The following MYO9B variants were observed in gnomAD, a reference collection of about 807,000 sequenced individuals.
The protein encoded by MYO9B is unconventional myosin-IXb.
MYO9B carries 71 observed loss-of-function variants against 229.5 expected under a neutral mutation model. The observed-to-expected ratio is 0.31, with a 90% CI of 0.26 to 0.38. The LOEUF is 0.38. Among genes scored for constraint, MYO9B ranks in the 10% least tolerant of loss-of-function variants. The pLI, the probability that MYO9B is intolerant of heterozygous loss-of-function variation, is 1.00. For missense variants in MYO9B, 2,255 were observed against 2,920.5 expected (o/e 0.77, Z 5.25); for synonymous variants, 1,185 against 1,235.8 (o/e 0.96, Z 0.86).
intron 10 of MYO9B, among the ~76,000 whole-genome samples, chr19:17,164,604 A>G (rs1279326748): frequency 6.6e-6 from 1 of 151,428 alleles, no homozygotes; most frequent in Non-Finnish European, 1.5e-5. Context: ...CTGGTCTCAA[A>G]CTCCTGATCT....
At chr19:17,093,548 C>T (rs1358727025) in intron 1 of MYO9B, among the ~76,000 whole-genome samples, 1 of 152,152 alleles carries the variant, frequency 6.6e-6, no homozygotes, top group East Asian at 1.9e-4. Flanking sequence ...CCGACCATCT[C>T]CCTGCTGTGG....
chr19:17,147,219 C>A (rs1478160702), intron 3 of MYO9B, among the ~76,000 whole-genome samples: 1 of 152,198 alleles, frequency 6.6e-6, no homozygotes, highest in African/African-American at 2.4e-5. Flanking sequence ...AAGACCCCAC[C>A]TTTTTCACTT....
Position 17,198,180 on chromosome 19 carries a change from G to A in MYO9B, c.4114-4G>A, listed in dbSNP as rs758215951. 6.2e-7 allele frequency: 1 copy of A among 1,613,688 alleles called. No homozygotes were observed. Among genetic ancestry groups the A allele is most frequent in the Non-Finnish European group, 8.5e-7 (1 of 1,179,862 alleles). On this transcript the variant is annotated splice_polypyrimidine_tract_variant and splice_region_variant and intron_variant, in intron 23 of 39. Transcript: ENST00000682292. The stretch of plus-strand genomic sequence containing the variant: ...TAGCAGCCCCCCACTGCACCGTCTT[G>A]CAGCCTGCAGCAGAAACCACGGACG...
chr19:17,207,397 C>T (rs1450789249), intron 35 of MYO9B, 153 bp downstream of exon 35: 3 of 1,082,942 alleles, frequency 2.8e-6, no homozygotes, highest in African/African-American at 1.6e-5. Context: ...CTTTGGGAGG[C>T]CAAGGCAAGA....
In MYO9B at chr19:17,090,170, G is replaced by T. The variant is rs181987561; in HGVS notation, c.-58-11490G>T. On this transcript the variant is annotated intron_variant, in intron 1 of 39. Coordinates refer to ENST00000682292, the MANE Select transcript of MYO9B (RefSeq NM_004145.4). Reference sequence around the variant, plus strand: ...TTTTTTTTTTTTTTTTTGAGATAAGGTCTGGCCCTGTTGGCCAAGTTGGAG... The same window carrying T: ...TTTTTTTTTTTTTTTTTGAGATAAGTTCTGGCCCTGTTGGCCAAGTTGGAG... Among the ~76,000 whole-genome samples the T allele has an allele frequency of 3.1e-4, 30 of 95,964 alleles. No individual in the cohort carries two copies. In the South Asian group the frequency reaches 3.6e-3, roughly 12 times the overall value. 63.0% of individuals were successfully genotyped at this position (95,964 alleles called of 152,430 possible).
chr19:17,093,204 A>G (rs1241984673), intron 1 of MYO9B, among the ~76,000 whole-genome samples: 1 of 152,094 alleles, frequency 6.6e-6, no homozygotes, highest in Non-Finnish European at 1.5e-5. Flanking sequence ...GTGGTGGTGC[A>G]CGCCTGTAAT....
intron 1 of MYO9B, among the ~76,000 whole-genome samples, chr19:17,089,293 C>T (rs1430580682): frequency 6.6e-6 from 1 of 151,822 alleles, no homozygotes; most frequent in Non-Finnish European, 1.5e-5. Flanking sequence ...AAATCCTCAA[C>T]AGGATCAGGG....
At chr19:17,120,638 C>CAAA (rs59262657) in intron 2 of MYO9B, among the ~76,000 whole-genome samples, 7 of 87,008 alleles carry the variant, frequency 8.0e-5, no homozygotes, top group South Asian at 4.3e-4. Flanking sequence ...GACTCTGTCT[C>CAAA]AAAAAAAAAA....
chr19:17,077,316 C>T (rs2057494769), intron 1 of MYO9B, among the ~76,000 whole-genome samples: 1 of 152,140 alleles, frequency 6.6e-6, no homozygotes, highest in African/African-American at 2.4e-5. Context: ...GAGATGAACC[C>T]GGATAGCTGG....
intron 33 of MYO9B, 81 bp from the exon 34 acceptor site, chr19:17,206,598 C>A: frequency 1.5e-6 from 2 of 1,330,258 alleles, no homozygotes; most frequent in South Asian, 1.3e-5. Flanking sequence ...GGCACCTGTG[C>A]ATCTCAGGTC....
At chr19:17,151,457 T>C (rs1323281159) in intron 3 of MYO9B, among the ~76,000 whole-genome samples, 2 of 152,012 alleles carry the variant, frequency 1.3e-5, no homozygotes, top group African/African-American at 4.8e-5. Flanking sequence ...GCAAAGGACT[T>C]GCATCTAGAA....
In MYO9B at chr19:17,206,270, G is replaced by A; in HGVS notation, c.5280G>A (p.Glu1760=). 2 of 1,589,640 alleles carry A rather than the reference G, an allele frequency of 1.3e-6. No homozygotes were observed. Among genetic ancestry groups the A allele is most frequent in the Non-Finnish European group, 1.7e-6 (2 of 1,170,558 alleles). The change falls in exon 33 of 40, where the codon GAG becomes GAA. Residue 1760 remains glutamate (E), a synonymous_variant. Coordinates refer to ENST00000682292, the MANE Select transcript of MYO9B (RefSeq NM_004145.4). ...LQTDPAAVKL[E]NFPIHAITGV... Reference sequence around the variant, plus strand: ...CAGACCCCGCAGCAGTCAAGCTGGAGAACTTCCCCATCCACGCCATCACAG... The same window carrying A: ...CAGACCCCGCAGCAGTCAAGCTGGAAAACTTCCCCATCCACGCCATCACAG...
chr19:17,115,150 G>A (rs181625753), intron 2 of MYO9B, among the ~76,000 whole-genome samples: 1 of 152,136 alleles, frequency 6.6e-6, no homozygotes, highest in Non-Finnish European at 1.5e-5. Flanking sequence ...CACCACGCCA[G>A]CAAGGTTTCA....
At position 17,195,246 on chromosome 19, in the gene MYO9B, G is replaced by A. The variant is rs747346947; in HGVS notation, c.3819G>A (p.Glu1273=). The change falls in exon 22 of 40, where the codon GAG becomes GAA. Residue 1273 remains glutamate (E), a synonymous_variant. Coordinates refer to ENST00000682292, the MANE Select transcript of MYO9B (RefSeq NM_004145.4). This position sits in a 1 kb window ranked among gnomAD's most constrained non-coding sequence, Gnocchi z 4.5. ...CTGGCAGCGCCCCCGAGACCCCCGAGGACAAGAGCAAACCATGTGGCAGCC... is the reference window on the plus strand; with the variant it reads ...CTGGCAGCGCCCCCGAGACCCCCGAAGACAAGAGCAAACCATGTGGCAGCC... The part of the protein sequence containing the change: ...PAPGSAPETP[E]DKSKPCGSPR... The A allele has an allele frequency of 1.1e-5, 18 of 1,612,312 alleles. No individual in the cohort carries two copies. The highest frequency in any genetic ancestry group is 1.5e-5 in the Non-Finnish European group (18 of 1,179,618).
intron 1 of MYO9B, among the ~76,000 whole-genome samples, chr19:17,084,327 G>T (rs1265985071): frequency 6.6e-6 from 1 of 150,484 alleles, no homozygotes; most frequent in Non-Finnish European, 1.5e-5. Context: ...GACAGAGTGA[G>T]ACTCATCTCA....
intron 10 of MYO9B, among the ~76,000 whole-genome samples, chr19:17,165,634 A>G (rs1352817885): frequency 1.3e-5 from 2 of 152,116 alleles, no homozygotes; most frequent in Non-Finnish European, 2.9e-5. Flanking sequence ...TTAACCAGGC[A>G]TATAGTGGCA....
At chr19:17,143,193 C>T (rs907430672) in intron 2 of MYO9B, among the ~76,000 whole-genome samples, 1 of 151,672 alleles carries the variant, frequency 6.6e-6, no homozygotes, top group African/African-American at 2.4e-5. Context: ...GAGCTGAGAT[C>T]GTGCCATTGT....
intron 24 of MYO9B, among the ~76,000 whole-genome samples, chr19:17,198,516 C>A (rs942870410): frequency 2.0e-5 from 3 of 152,150 alleles, no homozygotes; most frequent in African/African-American, 7.2e-5. Context: ...GGGTGGATCA[C>A]TTGAGGTCAG....
intron 36 of MYO9B, 108 bp downstream of exon 36, chr19:17,209,817 C>G: frequency 1.2e-6 from 1 of 846,800 alleles, no homozygotes; most frequent in Admixed American, 2.6e-5. Context: ...TGAGTGGGGT[C>G]TTGGTGGGCG....
Sources: allele counts gnomAD v4.1 joint callset (sites outside exome capture counted in the v4.1 genomes callset), GRCh38; gene constraint gnomAD v4.1.1; non-coding constraint Gnocchi (gnomAD v3.1); transcripts MANE v1.5; gene names NCBI Gene and HGNC (gene_info 2026-07-23, HGNC 2026-07-21).